UBE2V2: variants seen among roughly 807,000 people sequenced by gnomAD.
UBE2V2 encodes ubiquitin conjugating enzyme E2 V2.
In UBE2V2, 9 loss-of-function variants were observed where a neutral mutation model predicts 17.2. That is an observed-to-expected ratio of 0.52 (90% CI 0.32 to 0.91). The LOEUF is 0.91. Among genes scored for constraint, UBE2V2 ranks in the 40% least tolerant of loss-of-function variants. UBE2V2 has a pLI of 0.04. For missense variants in UBE2V2, 133 were observed against 182.6 expected (o/e 0.73, Z 1.56); for synonymous variants, 61 against 57.5 (o/e 1.06, Z -0.28).
intron 1 of UBE2V2, among the ~76,000 whole-genome samples, chr8:48,033,997 G>T (rs1003930550): frequency 6.6e-6 from 1 of 152,102 alleles, no homozygotes; most frequent in African/African-American, 2.4e-5. Flanking sequence ...CATTAGATCT[G>T]CAGACTTGTT....
chr8:48,036,166 G>A (rs1260090518), intron 1 of UBE2V2, among the ~76,000 whole-genome samples: 1 of 151,274 alleles, frequency 6.6e-6, no homozygotes, highest in Admixed American at 6.6e-5. Flanking sequence ...TGTTGCTCAG[G>A]CTTGTCTTGA....
intron 2 of UBE2V2, among the ~76,000 whole-genome samples, chr8:48,046,440 A>T (rs1437438934): frequency 1.3e-5 from 2 of 151,776 alleles, no homozygotes; most frequent in Non-Finnish European, 2.9e-5. Flanking sequence ...TTTAGTGGGG[A>T]CAGGGTTTCT....
chr8:48,003,873 C>A (rs2091167662), upstream of UBE2V2, among the ~76,000 whole-genome samples: 1 of 152,032 alleles, frequency 6.6e-6, no homozygotes, highest in Non-Finnish European at 1.5e-5. Flanking sequence ...AGGGCAGTGG[C>A]AATAGTGCAC....
intron 1 of UBE2V2, among the ~76,000 whole-genome samples, chr8:48,029,273 G>A (rs945661614): frequency 1.2e-4 from 19 of 152,122 alleles, no homozygotes; most frequent in Admixed American, 1.2e-3. Flanking sequence ...AGGTTGCAGT[G>A]AGACATGATT....
intron 1 of UBE2V2, among the ~76,000 whole-genome samples, chr8:48,026,199 T>C (rs1225306941): frequency 6.6e-6 from 1 of 152,106 alleles, no homozygotes; most frequent in Non-Finnish European, 1.5e-5. Context: ...TCCAGGAGTT[T>C]TGGGACTGGG....
intron 1 of UBE2V2, among the ~76,000 whole-genome samples, chr8:48,009,689 G>A (rs1313573877): frequency 6.6e-6 from 1 of 152,206 alleles, no homozygotes; most frequent in African/African-American, 2.4e-5. Context: ...GGAAGGCTTT[G>A]AATATATGTT....
chr8:48,040,250 A>G (rs2091452658), intron 1 of UBE2V2, among the ~76,000 whole-genome samples: 1 of 152,114 alleles, frequency 6.6e-6, no homozygotes, highest in South Asian at 2.1e-4. Flanking sequence ...GTTAACAGAT[A>G]CTGTCTCTTC....
At chr8:48,056,223 T>C (rs1160130526) in intron 3 of UBE2V2, among the ~76,000 whole-genome samples, 1 of 152,248 alleles carries the variant, frequency 6.6e-6, no homozygotes, top group East Asian at 1.9e-4. Flanking sequence ...TTCCATTGTA[T>C]GGAGATCCCA....
intron 1 of UBE2V2, among the ~76,000 whole-genome samples, chr8:48,027,480 A>G (rs1482764578): frequency 6.6e-6 from 1 of 152,016 alleles, no homozygotes; most frequent in African/African-American, 2.4e-5. Context: ...GTATCTTTTC[A>G]TGTGCTTACT....
At chr8:48,038,321 T>G (rs2091438119) in intron 1 of UBE2V2, among the ~76,000 whole-genome samples, 1 of 152,066 alleles carries the variant, frequency 6.6e-6, no homozygotes, top group African/African-American at 2.4e-5. Context: ...TTATTTGTAT[T>G]TATTTATTTA....
In UBE2V2 at chr8:48,064,316, A is replaced by T. The variant is rs1279116934; in HGVS notation, c.*3488A>T. ...TCCAGTACCAACTTGACTGGCTTTT[A>T]ATTATTGTCACACACACACAAAATT... On this transcript the variant is annotated 3_prime_UTR_variant, in exon 4 of 4. Coordinates refer to ENST00000523111, the MANE Select transcript of UBE2V2 (RefSeq NM_003350.3). 1 of 150,738 alleles carries T rather than the reference A, an allele frequency of 6.6e-6. No homozygotes were observed. The highest frequency in any genetic ancestry group is 1.9e-4 in the East Asian group (1 of 5,186). The allele number at this position is 150,738 out of a possible 1,614,324, so 9.3% of individuals were successfully genotyped here.
At chr8:48,017,995 C>G (rs1196697995) in intron 1 of UBE2V2, among the ~76,000 whole-genome samples, 2 of 151,934 alleles carry the variant, frequency 1.3e-5, no homozygotes, top group Non-Finnish European at 2.9e-5. Context: ...GCCACCATAC[C>G]TGGCTAATGT....
chr8:48,008,227 G>C (rs576817014), upstream of UBE2V2, among the ~76,000 whole-genome samples: 1 of 152,232 alleles, frequency 6.6e-6, no homozygotes, highest in South Asian at 2.1e-4. Flanking sequence ...CGGCCCTCAT[G>C]AACTTATTCT....
rs1161856539 is a variant in UBE2V2, at chr8:48,010,568, AT to A, written c.16+2104del. Among the ~76,000 whole-genome samples, 7 of 150,646 alleles carry A rather than the reference AT, an allele frequency of 4.6e-5. No individual in the cohort carries two copies. In the Admixed American group the frequency reaches 4.7e-4, roughly 10 times the overall value. ...AGGCGCGTGCCACCATGCCCAGCTA[AT>A]TTTTTGTATATTTAGTAGAGACGGG... On this transcript the variant is annotated intron_variant, in intron 1 of 3. Coordinates refer to ENST00000523111, the MANE Select transcript of UBE2V2 (RefSeq NM_003350.3).
At chr8:48,023,278 C>T (rs890112875) in intron 1 of UBE2V2, among the ~76,000 whole-genome samples, 22 of 150,710 alleles carry the variant, frequency 1.5e-4, no homozygotes, top group Middle Eastern at 3.5e-3. Flanking sequence ...TGCGGTGGCG[C>T]GATCTTGGCT....
intron 1 of UBE2V2, among the ~76,000 whole-genome samples, chr8:48,035,940 T>G (rs1184347899): frequency 6.7e-6 from 1 of 149,236 alleles, no homozygotes; most frequent in Non-Finnish European, 1.5e-5. Context: ...TTTTCTCCCC[T>G]TGCCTTTCTT....
chr8:48,048,958 A>G (rs1274268571), intron 2 of UBE2V2, among the ~76,000 whole-genome samples: 1 of 151,956 alleles, frequency 6.6e-6, no homozygotes, highest in South Asian at 2.1e-4. Context: ...TTTCTTTTTA[A>G]TCTCTTGAGT....
chr8:48,050,752 G>C (rs1347143468), intron 3 of UBE2V2, among the ~76,000 whole-genome samples: 1 of 151,914 alleles, frequency 6.6e-6, no homozygotes, highest in African/African-American at 2.4e-5. Flanking sequence ...TGAGGGTTAA[G>C]GTACATTTGG....
At chr8:48,043,948 A>T (rs1589862321) in intron 2 of UBE2V2, among the ~76,000 whole-genome samples, 1 of 143,034 alleles carries the variant, frequency 7.0e-6, no homozygotes, top group African/African-American at 2.6e-5. Context: ...TTTACATTGC[A>T]TTCCTTACTT....
Sources: gnomAD v4.1 joint callset for allele counts (sites outside exome capture counted in the v4.1 genomes callset) on GRCh38, gnomAD v4.1.1 for gene constraint, MANE v1.5 for transcripts, NCBI Gene and HGNC (gene_info 2026-07-23, HGNC 2026-07-21) for gene names.